CNBD1: variants seen among roughly 807,000 people sequenced by gnomAD.
The protein encoded by CNBD1 is cyclic nucleotide-binding domain-containing protein 1.
In CNBD1, 71 loss-of-function variants were observed where a neutral mutation model predicts 54.4. That is an observed-to-expected ratio of 1.30 (90% CI 1.08 to 1.59). The LOEUF (loss-of-function observed/expected upper bound fraction) is 1.59, where lower values mean the gene tolerates loss of function less well. Ranked by LOEUF, CNBD1 falls within the 40% of genes most tolerant of loss-of-function variation. CNBD1 has a pLI of 0.00. For synonymous variants in CNBD1, 182 were observed against 170.7 expected (o/e 1.07, Z -0.51); for missense variants, 659 against 518.0 (o/e 1.27, Z -2.64).
chr8:87,374,833 C>T (rs1810892388), intron 10 of CNBD1, among the ~76,000 whole-genome samples: 1 of 149,996 alleles, frequency 6.7e-6, no homozygotes, highest in South Asian at 2.1e-4. Context: ...TAGCTAGAAA[C>T]ATCTGTATTG....
chr8:87,427,746 A>C (rs1321852231), intron 2 of CNBD1, among the ~76,000 whole-genome samples: 1 of 152,206 alleles, frequency 6.6e-6, no homozygotes, highest in Non-Finnish European at 1.5e-5. Context: ...TATGTCAGCA[A>C]AAATTTTGGC....
At chr8:87,425,502 G>C (rs1355080531) in intron 2 of CNBD1, among the ~76,000 whole-genome samples, 1 of 152,200 alleles carries the variant, frequency 6.6e-6, no homozygotes, top group Non-Finnish European at 1.5e-5. Context: ...TTTTTGGTGT[G>C]GATGTCCTTT....
intron 5 of CNBD1, among the ~76,000 whole-genome samples, chr8:87,233,255 T>G (rs781000855): frequency 5.3e-5 from 8 of 152,154 alleles, no homozygotes; most frequent in Non-Finnish European, 1.2e-4. Flanking sequence ...GGACTAAAAA[T>G]CAGTCCTTCT....
At chr8:87,095,044 A>C (rs1811289978) in intron 4 of CNBD1, among the ~76,000 whole-genome samples, 1 of 152,208 alleles carries the variant, frequency 6.6e-6, no homozygotes, top group African/African-American at 2.4e-5. Flanking sequence ...CTTCTCAAAA[A>C]AAACAAAGTA....
intron 2 of CNBD1, among the ~76,000 whole-genome samples, chr8:86,903,255 A>G (rs1349163412): frequency 6.6e-6 from 1 of 152,158 alleles, no homozygotes; most frequent in African/African-American, 2.4e-5. Context: ...AAGGTTATAC[A>G]CATAAAGTGT....
intron 8 of CNBD1, among the ~76,000 whole-genome samples, chr8:87,328,811 C>A (rs567755155): frequency 5.8e-4 from 88 of 151,806 alleles, no homozygotes; most frequent in Admixed American, 9.8e-4. Context: ...GTGTGCAAGC[C>A]TTTCACTTTC....
At chr8:86,919,170 A>G (rs946021002) in intron 3 of CNBD1, among the ~76,000 whole-genome samples, 3 of 152,172 alleles carry the variant, frequency 2.0e-5, no homozygotes, top group African/African-American at 7.2e-5. Context: ...AAACGATGTA[A>G]ACAAAGAAAT....
At chr8:86,880,061 G>A (rs1209894215) in intron 1 of CNBD1, among the ~76,000 whole-genome samples, 2 of 152,192 alleles carry the variant, frequency 1.3e-5, no homozygotes, top group African/African-American at 4.8e-5. Flanking sequence ...ACTGGAGGAT[G>A]TGTTGGGGAG....
intron 4 of CNBD1, among the ~76,000 whole-genome samples, chr8:86,957,839 C>T (rs1285594946): frequency 6.6e-6 from 1 of 152,078 alleles, no homozygotes; most frequent in Non-Finnish European, 1.5e-5. Context: ...TTCAGTTTTG[C>T]TCTGATCTTA....
intron 8 of CNBD1, among the ~76,000 whole-genome samples, chr8:87,301,075 A>G (rs1250993636): frequency 6.6e-6 from 1 of 152,154 alleles, no homozygotes; most frequent in Non-Finnish European, 1.5e-5. Context: ...GAACACCTTT[A>G]CATACATAAA....
intron 5 of CNBD1, among the ~76,000 whole-genome samples, chr8:87,207,519 A>G (rs1814002195): frequency 6.6e-6 from 1 of 152,072 alleles, no homozygotes; most frequent in Admixed American, 6.6e-5. Context: ...GTCCAGAAGG[A>G]CATTTCAAAA....
chr8:87,156,640 G>C (rs1000247956), intron 4 of CNBD1, among the ~76,000 whole-genome samples: 1 of 152,046 alleles, frequency 6.6e-6, no homozygotes, highest in African/African-American at 2.4e-5. Flanking sequence ...ATTTTTTACA[G>C]GGGACGTATA....
intron 4 of CNBD1, among the ~76,000 whole-genome samples, chr8:86,954,609 A>G (rs571834712): frequency 3.9e-4 from 60 of 152,270 alleles, no homozygotes; most frequent in African/African-American, 1.4e-3. Flanking sequence ...CTAAAGACAC[A>G]TTTTACTCTC....
At chr8:87,095,650 A>G (rs907832042) in intron 4 of CNBD1, among the ~76,000 whole-genome samples, 1 of 152,106 alleles carries the variant, frequency 6.6e-6, no homozygotes, top group African/African-American at 2.4e-5. Flanking sequence ...GACCATATAT[A>G]TATATCTGTT....
intron 1 of CNBD1, among the ~76,000 whole-genome samples, chr8:86,871,489 C>T (rs577447780): frequency 3.3e-4 from 50 of 152,222 alleles, no homozygotes; most frequent in Non-Finnish European, 6.5e-4. Flanking sequence ...GTCCTACTCT[C>T]CTTTAAAACT....
intron 4 of CNBD1, among the ~76,000 whole-genome samples, chr8:87,095,115 T>C (rs1811291436): frequency 6.6e-6 from 1 of 152,240 alleles, no homozygotes; most frequent in Admixed American, 6.5e-5. Context: ...CACAATAGCA[T>C]GGCCTCTTCA....
chr8:87,312,983 C>A (rs1053297877), intron 8 of CNBD1, among the ~76,000 whole-genome samples: 2 of 151,902 alleles, frequency 1.3e-5, no homozygotes, highest in African/African-American at 4.8e-5. Flanking sequence ...ATTTCGCAAA[C>A]GACATACTCT....
At position 87,272,143 on chromosome 8, in the gene CNBD1, C is replaced by T. The variant is rs189686812; in HGVS notation, c.772-12535C>T. Reference sequence around the variant, plus strand: ...GTTGATTAATGGGTACAAATACACACTTAGAATAAATAAGACCTGGTGTTT... The same window carrying T: ...GTTGATTAATGGGTACAAATACACATTTAGAATAAATAAGACCTGGTGTTT... On this transcript the variant is annotated intron_variant, in intron 6 of 10. Coordinates refer to ENST00000518476, the MANE Select transcript of CNBD1 (RefSeq NM_173538.3). Among the ~76,000 whole-genome samples the T allele has an allele frequency of 1.9e-3, 281 of 151,852 alleles. 1 individual carries two copies. Among genetic ancestry groups the T allele is most frequent in the South Asian group, 5.4e-3 (26 of 4,814 alleles).
At chr8:87,093,460 G>C (rs145236954) in intron 4 of CNBD1, among the ~76,000 whole-genome samples, 286 of 152,256 alleles carry the variant, frequency 1.9e-3, no homozygotes, top group African/African-American at 6.5e-3. Context: ...TTCCTACCCA[G>C]AGTACCTCAA....
Sources: gnomAD v4.1 joint callset for allele counts (sites outside exome capture counted in the v4.1 genomes callset) on GRCh38, gnomAD v4.1.1 for gene constraint, MANE v1.5 for transcripts, NCBI Gene and HGNC (gene_info 2026-07-23, HGNC 2026-07-21) for gene names.